QRICH2: variants seen among roughly 807,000 people sequenced by gnomAD.
QRICH2 encodes the protein glutamine-rich protein 2.
A neutral mutation model predicts 168.3 loss-of-function variants in QRICH2; 119 were observed. The observed-to-expected ratio is 0.71, with a 90% CI of 0.61 to 0.82. The LOEUF (loss-of-function observed/expected upper bound fraction) is 0.82. Among genes scored for constraint, QRICH2 ranks in the 40% least tolerant of loss-of-function variants. QRICH2 has a pLI of 0.00. For missense variants in QRICH2, 2,241 were observed against 2,491.6 expected, an observed-to-expected ratio of 0.90 and a Z score of 2.14; for synonymous variants, 894 against 951.2, an observed-to-expected ratio of 0.94 and a Z score of 1.11.
chr17:76,281,739 T>C lies in QRICH2; in HGVS notation c.4263+125A>G. ...CTCTTGTGGGATCTGGCTAAAGGGCTCCGCCACGGAGAGCTGACCTTGAGG... is the reference window on the plus strand; with the variant it reads ...CTCTTGTGGGATCTGGCTAAAGGGCCCCGCCACGGAGAGCTGACCTTGAGG... On this transcript the variant is annotated intron_variant, in intron 8 of 18. Transcript: ENST00000680821. The surrounding 1 kb of genome is among the most constrained non-coding windows in gnomAD (Gnocchi z 4.4). 1 of 1,209,838 alleles carries C rather than the reference T, an allele frequency of 8.3e-7. No homozygotes were observed. The highest frequency in any genetic ancestry group is 1.2e-6 in the Non-Finnish European group (1 of 853,284). 74.9% of individuals were successfully genotyped at this position (1,209,838 alleles called of 1,614,324 possible).
chr17:76,277,573 C>T (rs1312490535), intron 15 of QRICH2, among the ~76,000 whole-genome samples: 4 of 152,042 alleles, frequency 2.6e-5, no homozygotes, highest in African/African-American at 9.7e-5. Flanking sequence ...CAGTCACACA[C>T]ACACATACAT....
Position 76,293,298 on chromosome 17 carries a change from A to T in QRICH2, c.1429T>A (p.Phe477Ile). Residue 477 changes from phenylalanine (F) to isoleucine (I), a missense_variant, in exon 4 of 19, where the codon TTT becomes ATT. Coordinates refer to ENST00000680821, the MANE Select transcript of QRICH2 (RefSeq NM_001388453.1). Reference sequence around the variant, plus strand: ...ATACTGCGTTGGTCTGTGCCAGGAAATGTCATACCATGCTGATATGCACTG... The same window carrying T: ...ATACTGCGTTGGTCTGTGCCAGGAATTGTCATACCATGCTGATATGCACTG... ...SVSAYQHGMTFPGTDQRSMEP... is the reference protein window; with the variant it reads ...SVSAYQHGMTIPGTDQRSMEP... 6.2e-7 allele frequency: 1 copy of T among 1,614,084 alleles called. No individual in the cohort carries two copies. The highest frequency in any genetic ancestry group is 8.5e-7 in the Non-Finnish European group (1 of 1,180,046).
At chr17:76,302,536 G>A (rs2070924085) in intron 3 of QRICH2, among the ~76,000 whole-genome samples, 1 of 152,180 alleles carries the variant, frequency 6.6e-6, no homozygotes, top group African/African-American at 2.4e-5. Context: ...TATCCGGGTG[G>A]ATGCAGTGAT....
At chr17:76,287,970 C>T (rs2070921170) in intron 5 of QRICH2, 73 bp from the exon 6 acceptor site, 1 of 1,194,508 alleles carries the variant, frequency 8.4e-7, no homozygotes, top group Non-Finnish European at 1.3e-6. Flanking sequence ...TTGCATGCAG[C>T]TCATGCCAGC....
chr17:76,287,998 C>A, intron 5 of QRICH2, 101 bp from the exon 6 acceptor site: 1 of 866,858 alleles, frequency 1.2e-6, no homozygotes, highest in Non-Finnish European at 1.9e-6. Context: ...GTTCCCTCTA[C>A]TAACCCAACC....
Position 76,291,902 on chromosome 17 carries a change from A to G in QRICH2, c.2825T>C (p.Val942Ala). ...VQPGAYPLGL[V>A]QPGAYLHDLS... Reference sequence around the variant, plus strand: ...ATCATGCAAATATGCACCAGGTTGTACCAAACCAAGAGGATAGGCACCAGG... The same window carrying G: ...ATCATGCAAATATGCACCAGGTTGTGCCAAACCAAGAGGATAGGCACCAGG... The change falls in exon 4 of 19, where the codon GTA (valine) becomes GCA (alanine). Residue 942 changes from valine (V) to alanine (A), a missense_variant. Physicochemically the swap from Val to Ala is moderately conservative, Grantham distance 64 (BLOSUM62 0). This residue lies in a region of QRICH2 where 2,047 missense variants were observed against 2,303.8 expected (regional missense o/e 0.89). Transcript: ENST00000680821. 10 of 1,614,174 alleles carry G rather than the reference A, an allele frequency of 6.2e-6. No homozygotes were observed. The highest frequency in any genetic ancestry group is 8.5e-6 in the Non-Finnish European group (10 of 1,180,024).
chr17:76,301,255 A>C (rs980105293), intron 3 of QRICH2, among the ~76,000 whole-genome samples: 2 of 151,346 alleles, frequency 1.3e-5, no homozygotes, highest in Admixed American at 1.3e-4. Flanking sequence ...ATTACAACAA[A>C]TGAGCCAAAA....
chr17:76,291,031 G>C lies in QRICH2; in HGVS notation c.3696C>G (p.Phe1232Leu). Residue 1232 changes from phenylalanine to leucine, a missense_variant, in exon 4 of 19, where the codon TTC (phenylalanine) becomes TTG (leucine). This residue lies in a region of QRICH2 where 2,047 missense variants were observed against 2,303.8 expected (regional missense o/e 0.89). Transcript: ENST00000680821. ...GGCACCCACCCATCTGTGCCAGCAG[G>C]AACTGGATCTTCTCCAAGTCGGTTT... ...AGQTDLEKIQ[F>L]LLAQMVKRTI... The C allele has an allele frequency of 1.2e-6, 2 of 1,612,928 alleles. No individual in the cohort carries two copies. The highest frequency in any genetic ancestry group is 1.7e-6 in the Non-Finnish European group (2 of 1,178,984).
At chr17:76,283,489 C>T (rs1472673950) in intron 7 of QRICH2, among the ~76,000 whole-genome samples, 1 of 152,196 alleles carries the variant, frequency 6.6e-6, no homozygotes, top group African/African-American at 2.4e-5. Context: ...CTTAAACGCT[C>T]CCAGCTGCTC....
At chr17:76,279,012 T>A in intron 14 of QRICH2, 29 bp downstream of exon 14, 1 of 1,581,354 alleles carries the variant, frequency 6.3e-7, no homozygotes, top group Non-Finnish European at 8.7e-7. Flanking sequence ...CCCGGACCCA[T>A]ATGTCCCATA....
rs2071016136 is a variant in QRICH2, at chr17:76,307,898, A to G, written c.101T>C (p.Ile34Thr). Residue 34 changes from isoleucine (I) to threonine (T), a missense_variant, in exon 1 of 19, where the codon ATC becomes ACC. This residue lies in a region of QRICH2 where 2,047 missense variants were observed against 2,303.8 expected (regional missense o/e 0.89). Coordinates refer to ENST00000680821, the MANE Select transcript of QRICH2 (RefSeq NM_001388453.1). This position sits in a 1 kb window ranked among gnomAD's most constrained non-coding sequence, Gnocchi z 5.3. ...GTCGAGGTTCTTGAGCATGGCCACG[A>G]TGAGCGTGTGCAGGGCCGTGAAGTT... is the stretch of plus-strand genomic sequence containing the variant. ...AVNFTALHTL[I>T]VAMLKNLDLQ... The G allele has an allele frequency of 7.9e-7, 1 of 1,266,150 alleles. No homozygotes were observed. The allele number at this position is 1,266,150 out of a possible 1,614,324, so 78.4% of individuals were successfully genotyped here.
upstream of QRICH2, chr17:76,310,564 C>T (rs936964243): frequency 2.0e-5 from 3 of 151,944 alleles, no homozygotes; most frequent in African/African-American, 7.3e-5. Flanking sequence ...CTCCTTGGCT[C>T]AGGCAATCCT....
chr17:76,295,183 C>T (rs1164124715), intron 3 of QRICH2, among the ~76,000 whole-genome samples: 1 of 151,980 alleles, frequency 6.6e-6, no homozygotes, highest in African/African-American at 2.4e-5. Flanking sequence ...CGCCTGAACC[C>T]AGGAGGCAGA....
At position 76,274,165 on chromosome 17, in the gene QRICH2, T is replaced by C. The variant is rs760523696; in HGVS notation, c.5578A>G (p.Arg1860Gly). 4 of 1,580,812 alleles carry C rather than the reference T, an allele frequency of 2.5e-6. No individual in the cohort carries two copies. In the South Asian group the frequency reaches 3.5e-5, roughly 14 times the overall value. ...HPPSSAAVAN[R>G]GLERHVDMPP... ...ATGTCCACGTGCCTCTCCAGCCCCCTGTTTGCCACCGCGGCGGAGCTGGGC... is the reference window on the plus strand; with the variant it reads ...ATGTCCACGTGCCTCTCCAGCCCCCCGTTTGCCACCGCGGCGGAGCTGGGC... Residue 1860 changes from arginine to glycine, a missense_variant, in exon 19 of 19, where the codon AGG (arginine) becomes GGG (glycine). Physicochemically the swap from Arg to Gly is moderately radical, Grantham distance 125 (BLOSUM62 -2). Coordinates refer to ENST00000680821, the MANE Select transcript of QRICH2 (RefSeq NM_001388453.1).
chr17:76,300,905 T>A (rs533938598), intron 3 of QRICH2, among the ~76,000 whole-genome samples: 1 of 152,042 alleles, frequency 6.6e-6, no homozygotes, highest in East Asian at 1.9e-4. Flanking sequence ...TACAAAAAAA[T>A]TAGCCGGGCG....
At chr17:76,309,809 T>G (rs1403672820), upstream of QRICH2, 5 of 152,220 alleles carry the variant, frequency 3.3e-5, no homozygotes, top group Non-Finnish European at 7.3e-5. Flanking sequence ...CTGGAACCAA[T>G]CACCCATGGA....
intron 5 of QRICH2, among the ~76,000 whole-genome samples, chr17:76,289,425 G>A (rs2143266518): frequency 6.6e-6 from 1 of 152,116 alleles, no homozygotes. Context: ...GGGCTCAAGT[G>A]ATCCTCCTGC....
chr17:76,274,460 A>G (rs916591012), intron 18 of QRICH2, among the ~76,000 whole-genome samples, 200 bp from the exon 19 acceptor site: 1 of 152,186 alleles, frequency 6.6e-6, no homozygotes, highest in South Asian at 2.1e-4. Flanking sequence ...AGCACCCTTC[A>G]TGATCTTGTG....
chr17:76,278,286 A>G, intron 14 of QRICH2, 97 bp from the exon 15 acceptor site: 1 of 1,272,264 alleles, frequency 7.9e-7, no homozygotes, highest in Non-Finnish European at 1.1e-6. Flanking sequence ...CCTTTTGTGC[A>G]GGACCCAGCT....
Sources: gnomAD v4.1 joint callset for allele counts (sites outside exome capture counted in the v4.1 genomes callset) on GRCh38, gnomAD v4.1.1 for gene constraint, gnomAD v4.1.1 regional missense constraint, Gnocchi (gnomAD v3.1) non-coding constraint, MANE v1.5 for transcripts, NCBI Gene and HGNC (gene_info 2026-07-23, HGNC 2026-07-21) for gene names.